MAML2: variants seen among roughly 807,000 people sequenced by gnomAD.
MAML2 encodes mastermind like transcriptional coactivator 2, also known as mastermind-like protein 2.
In MAML2, 22 loss-of-function variants were observed where a neutral mutation model predicts 96.1. The observed-to-expected ratio is 0.23, with a 90% CI of 0.16 to 0.33. MAML2 has a LOEUF of 0.33. MAML2 is among the 10% of genes least tolerant of loss of function. The probability of loss-of-function intolerance (pLI) is 1.00; values close to 1 mark genes in which losing one functional copy is unlikely to be tolerated. For synonymous variants in MAML2, 561 were observed against 521.3 expected (o/e 1.08, Z -1.04); for missense variants, 1,367 against 1,392.4 (o/e 0.98, Z 0.29).
At chr11:96,013,304 A>G (rs1245535488) in intron 2 of MAML2, among the ~76,000 whole-genome samples, 2 of 152,376 alleles carry the variant, frequency 1.3e-5, no homozygotes, top group Non-Finnish European at 2.9e-5. Context: ...CAAAGTAATC[A>G]GAATTAAGTA....
intron 1 of MAML2, among the ~76,000 whole-genome samples, chr11:96,119,276 T>C (rs1761524506): frequency 6.6e-6 from 1 of 152,198 alleles, no homozygotes; most frequent in African/African-American, 2.4e-5. Flanking sequence ...TAGCCTGGAT[T>C]ATCCAGGTGA....
At position 96,026,441 on chromosome 11, in the gene MAML2, C is replaced by T. The variant is rs552991646; in HGVS notation, c.2140-34718G>A. On this transcript the variant is annotated intron_variant, in intron 2 of 4. Transcript: ENST00000524717. ...TGGCCATCATTTTAAGTCTCTCATCCTCTTAGCAACACTGGTAAGAGCATC... is the reference window on the plus strand; with the variant it reads ...TGGCCATCATTTTAAGTCTCTCATCTTCTTAGCAACACTGGTAAGAGCATC... Among the ~76,000 whole-genome samples the T allele has an allele frequency of 3.9e-5, 6 of 152,228 alleles. No individual in the cohort carries two copies. The South Asian group carries it at 6.2e-4, about 16-fold the overall frequency.
At chr11:96,091,771 C>T in intron 2 of MAML2, 121 bp downstream of exon 2, 11 of 1,399,654 alleles carry the variant, frequency 7.9e-6, no homozygotes, top group Non-Finnish European at 1.0e-5. Flanking sequence ...ATGACTCCAT[C>T]AAGACCACTA....
chr11:96,265,623 C>A (rs930645343), intron 1 of MAML2, among the ~76,000 whole-genome samples: 1 of 152,142 alleles, frequency 6.6e-6, no homozygotes, highest in Non-Finnish European at 1.5e-5. Context: ...TATAAAAACC[C>A]GAGACCCTAG....
chr11:95,979,524 G>C lies in MAML2; in HGVS notation c.2895C>G (p.Asn965Lys). Residue 965 changes from asparagine to lysine, a missense_variant, in exon 5 of 5, where the codon AAC becomes AAG. Coordinates refer to ENST00000524717, the MANE Select transcript of MAML2 (RefSeq NM_032427.4). Reference sequence around the variant, plus strand: ...TGCTTGTTCCTTCTTGAGAGGCCCAGTTTGGTGCAGTTGTGTTGGATGTGA... The same window carrying C: ...TGCTTGTTCCTTCTTGAGAGGCCCACTTTGGTGCAGTTGTGTTGGATGTGA... ...VMITSNTTAPNWASQEGTSKQ... is the reference protein window; with the variant it reads ...VMITSNTTAPKWASQEGTSKQ... 6.2e-7 allele frequency: 1 copy of C among 1,613,820 alleles called. No homozygotes were observed. The highest frequency in any genetic ancestry group is 8.5e-7 in the Non-Finnish European group (1 of 1,179,838).
chr11:96,173,888 A>T (rs1861342762), intron 1 of MAML2, among the ~76,000 whole-genome samples: 1 of 152,062 alleles, frequency 6.6e-6, no homozygotes, highest in Admixed American at 6.5e-5. Flanking sequence ...TTGCTCTTTT[A>T]TTTTTCAGAA....
chr11:96,107,348 T>C (rs942466744), intron 1 of MAML2, among the ~76,000 whole-genome samples: 2 of 152,180 alleles, frequency 1.3e-5, no homozygotes, highest in Non-Finnish European at 2.9e-5. Flanking sequence ...AGTCTCCTCC[T>C]CTGAATAATG....
chr11:96,335,520 A>G (rs1863909469), intron 1 of MAML2, among the ~76,000 whole-genome samples: 1 of 152,194 alleles, frequency 6.6e-6, no homozygotes, highest in African/African-American at 2.4e-5. Flanking sequence ...AGGGCATGTC[A>G]TGCAGTATAT....
intron 2 of MAML2, among the ~76,000 whole-genome samples, chr11:96,083,580 A>G (rs1001614601): frequency 3.3e-5 from 5 of 152,194 alleles, no homozygotes; most frequent in Admixed American, 6.5e-5. Flanking sequence ...TAGAGAGCAG[A>G]CTTGGTATGG....
At chr11:96,278,668 A>G (rs1277027577) in intron 1 of MAML2, among the ~76,000 whole-genome samples, 4 of 152,204 alleles carry the variant, frequency 2.6e-5, no homozygotes, top group African/African-American at 4.8e-5. Flanking sequence ...AGAAACTGGA[A>G]GGGCTTTCTG....
intron 1 of MAML2, among the ~76,000 whole-genome samples, chr11:96,149,184 T>TG (rs1258846963): frequency 5.3e-5 from 8 of 151,118 alleles, no homozygotes; most frequent in Non-Finnish European, 1.2e-4. Context: ...GAGGCCGAGG[T>TG]GGGCAGATCA....
intron 1 of MAML2, among the ~76,000 whole-genome samples, chr11:96,329,505 T>C (rs1014134444): frequency 1.3e-5 from 2 of 152,166 alleles, no homozygotes; most frequent in African/African-American, 4.8e-5. Flanking sequence ...CAAAATCAAA[T>C]ATCAGGGAAC....
At chr11:96,194,948 C>A (rs1365397218) in intron 1 of MAML2, among the ~76,000 whole-genome samples, 1 of 152,160 alleles carries the variant, frequency 6.6e-6, no homozygotes, top group African/African-American at 2.4e-5. Flanking sequence ...AGATACCATT[C>A]TTTGATACAT....
At position 95,993,334 on chromosome 11, in the gene MAML2, G is replaced by A. The variant is rs543478324; in HGVS notation, c.2140-1611C>T. On this transcript the variant is annotated intron_variant, in intron 2 of 4. Transcript: ENST00000524717. ...TGTAAACCTAGCACTTTGGGAGGCC[G>A]AGGCAGGTGGTTCACCTGAGGTCAG... is the stretch of plus-strand genomic sequence containing the variant. Among the ~76,000 whole-genome samples the A allele has an allele frequency of 6.6e-5, 10 of 152,256 alleles. No homozygotes were observed. In the East Asian group the frequency reaches 9.6e-4, roughly 15 times the overall value.
intron 1 of MAML2, among the ~76,000 whole-genome samples, chr11:96,294,571 T>C (rs1863263573): frequency 6.6e-6 from 1 of 152,234 alleles, no homozygotes; most frequent in South Asian, 2.1e-4. Context: ...CAGAGATCAC[T>C]ATTCTCAAGA....
Position 96,093,121 on chromosome 11 carries a change from G to T in MAML2, c.910C>A (p.Pro304Thr). 1 of 1,613,960 alleles carries T rather than the reference G, an allele frequency of 6.2e-7. No homozygotes were observed. The highest frequency in any genetic ancestry group is 2.2e-5 in the East Asian group (1 of 44,884). ...GDDPGEQLMDPELQELFNELT... is the reference protein window; with the variant it reads ...GDDPGEQLMDTELQELFNELT... ...TCATTGAACAGTTCCTGCAGCTCAG[G>T]ATCCATCAGTTGTTCTCCAGGGTCG... is the stretch of plus-strand genomic sequence containing the variant. The change falls in exon 2 of 5, where the codon CCT becomes ACT. Residue 304 changes from proline to threonine, a missense_variant. Physicochemically the swap from Pro to Thr is conservative, Grantham distance 38. Transcript: ENST00000524717.
chr11:95,991,639 T>G lies in MAML2; in HGVS notation c.2224A>C (p.Met742Leu). The change falls in exon 3 of 5, where the codon ATG becomes CTG. Residue 742 changes from methionine to leucine, a missense_variant. Transcript: ENST00000524717. ...CSNPNTGSGY[M>L]NSQQSLLNQQ... ...TTCAACAGTGATTGCTGGGAGTTCA[T>G]GTAACCACTTCCAGTGTTTGGATTT... is the stretch of plus-strand genomic sequence containing the variant. 1 of 1,613,814 alleles carries G rather than the reference T, an allele frequency of 6.2e-7. No homozygotes were observed. Among genetic ancestry groups the G allele is most frequent in the Non-Finnish European group, 8.5e-7 (1 of 1,179,742 alleles).
At chr11:96,048,302 A>G (rs1245357683) in intron 2 of MAML2, among the ~76,000 whole-genome samples, 1 of 152,262 alleles carries the variant, frequency 6.6e-6, no homozygotes, top group East Asian at 1.9e-4. Flanking sequence ...ATAAGAATTT[A>G]TAAGAATCAA....
intron 1 of MAML2, among the ~76,000 whole-genome samples, chr11:96,117,744 C>T (rs12281661): frequency 0.93 from 141,374 of 152,256 alleles, 65,677 homozygotes; most frequent in East Asian, 1. Context: ...AAATGGTCTA[C>T]AATCTGCTGA....
Sources: gnomAD v4.1 joint callset for allele counts (sites outside exome capture counted in the v4.1 genomes callset) on GRCh38, gnomAD v4.1.1 for gene constraint, MANE v1.5 for transcripts, NCBI Gene and HGNC (gene_info 2026-07-23, HGNC 2026-07-21) for gene names.